HEMK1: variants seen among roughly 807,000 people sequenced by gnomAD.
HEMK1 encodes MTRF1L release factor glutamine methyltransferase.
Under a neutral mutation model 47.9 loss-of-function variants are expected in HEMK1, and 36 were observed. That is an observed-to-expected ratio of 0.75 (90% confidence interval 0.58 to 0.99). The LOEUF (loss-of-function observed/expected upper bound fraction) is 0.99. Ranked by LOEUF, HEMK1 falls within the 50% of genes least tolerant of loss-of-function variation. The probability of loss-of-function intolerance (pLI) is 0.00; values close to 1 mark genes in which losing one functional copy is unlikely to be tolerated. For missense variants in HEMK1, 383 were observed against 434.5 expected (o/e 0.88, Z 1.05); for synonymous variants, 153 against 165.4 (o/e 0.93, Z 0.57).
Position 50,589,976 on chromosome 3 carries a change from T to TAG in HEMK1, c.*9560_*9561dup, listed in dbSNP as rs1471228176. The TAG allele has an allele frequency of 6.6e-6, 1 of 150,484 alleles. No individual in the cohort carries two copies. The highest frequency in any genetic ancestry group is 1.5e-5 in the Non-Finnish European group (1 of 67,732). The allele number at this position is 150,484 out of a possible 1,614,324, so 9.3% of individuals were successfully genotyped here. A position where few individuals can be genotyped will look rare whatever the true frequency, so the allele number is the denominator to read the frequency against. ...TTTGGGAGGCCAAGGATCACAAGGT[T>TAG]AGGAGTTCAAGACCAGCCTGGCCAA... On this transcript the variant is annotated 3_prime_UTR_variant, in exon 11 of 11. Coordinates refer to ENST00000232854, the MANE Select transcript of HEMK1 (RefSeq NM_016173.5).
chr3:50,569,633 T>C (rs34584636), intron 1 of HEMK1, 59 bp downstream of exon 1: 15,363 of 152,284 alleles, frequency 0.1, 964 homozygotes, highest in Non-Finnish European at 0.13. Context: ...CCTGGAGACC[T>C]GGCCGGTACC....
At position 50,593,314 on chromosome 3, in the gene HEMK1, G is replaced by C. The variant is rs573435067; in HGVS notation, c.*12897G>C. On this transcript the variant is annotated 3_prime_UTR_variant, in exon 11 of 11. Coordinates refer to ENST00000232854, the MANE Select transcript of HEMK1 (RefSeq NM_016173.5). ...TTGCGTCCATCCCCTAGTGCAGAGG[G>C]CTAGTTTAGGGAAGGACATTAGGAC... The C allele has an allele frequency of 6.6e-6, 1 of 152,346 alleles. No homozygotes were observed. Among genetic ancestry groups the C allele is most frequent in the African/African-American group, 2.4e-5 (1 of 41,546 alleles). The allele number at this position is 152,346 out of a possible 1,614,324, so 9.4% of individuals were successfully genotyped here. A position where few individuals can be genotyped will look rare whatever the true frequency, so the allele number is the denominator to read the frequency against.
rs1175990565 is a variant in HEMK1 at position 50,579,836 on chromosome 3, C to T, written c.771-8C>T. 6.2e-7 allele frequency: 1 copy of T among 1,608,136 alleles called. No homozygotes were observed. Among genetic ancestry groups the T allele is most frequent in the Non-Finnish European group, 8.5e-7 (1 of 1,175,422 alleles). The stretch of plus-strand genomic sequence containing the variant: ...CAGGCTGTCACCTCCCACTGCTTTG[C>T]CTTTCAGCTATGAAGACCCCGCGGC... On this transcript the variant is annotated splice_polypyrimidine_tract_variant and splice_region_variant and intron_variant, in intron 8 of 10. Coordinates refer to ENST00000232854, the MANE Select transcript of HEMK1 (RefSeq NM_016173.5).
rs1255901533 is a variant in HEMK1, at chr3:50,586,450, A to G, written c.*6033A>G. 1 of 152,312 alleles carries G rather than the reference A, an allele frequency of 6.6e-6. No homozygotes were observed. The highest frequency in any genetic ancestry group is 1.5e-5 in the Non-Finnish European group (1 of 68,094). 9.4% of individuals were successfully genotyped at this position (152,312 alleles called of 1,614,324 possible). ...GGGGGAGGGTGAGACAGCTTAGAGTAGCCATGCCCCGTGGCAGGCAGGCCT... is the reference window on the plus strand; with the variant it reads ...GGGGGAGGGTGAGACAGCTTAGAGTGGCCATGCCCCGTGGCAGGCAGGCCT... On this transcript the variant is annotated 3_prime_UTR_variant, in exon 11 of 11. Transcript: ENST00000232854.
rs1198966464 is a variant in HEMK1 at position 50,584,425 on chromosome 3, A to T, written c.*4008A>T. 9 of 152,238 alleles carry T rather than the reference A, an allele frequency of 5.9e-5. No homozygotes were observed. The highest frequency in any genetic ancestry group is 1.2e-4 in the Non-Finnish European group (8 of 68,056). The allele number at this position is 152,238 out of a possible 1,614,324, so 9.4% of individuals were successfully genotyped here. On this transcript the variant is annotated 3_prime_UTR_variant, in exon 11 of 11. Transcript: ENST00000232854. ...ATATTACCTTCACATAGCAAAATGG[A>T]CTTTGCAGATGTGATTAAGGATCTT...
intron 2 of HEMK1, 43 bp downstream of exon 2, chr3:50,571,375 G>A (rs754385591): frequency 2.8e-6 from 4 of 1,424,838 alleles, no homozygotes. Context: ...AGGGAGGAGG[G>A]AGGACTTGGG....
chr3:50,572,008 A>G, intron 3 of HEMK1, 107 bp from the exon 4 acceptor site: 1 of 1,546,164 alleles, frequency 6.5e-7, no homozygotes, highest in Non-Finnish European at 8.8e-7. Context: ...GGCCCTGGAG[A>G]CATGGTCTTG....
In HEMK1 at chr3:50,589,354, G is replaced by A. The variant is rs1007359719; in HGVS notation, c.*8937G>A. Reference sequence around the variant, plus strand: ...CAAACCCTGTTCTCTGAGCACATAGGAAGGATTCTAATGTGTCATAATTTG... The same window carrying A: ...CAAACCCTGTTCTCTGAGCACATAGAAAGGATTCTAATGTGTCATAATTTG... On this transcript the variant is annotated 3_prime_UTR_variant, in exon 11 of 11. Coordinates refer to ENST00000232854, the MANE Select transcript of HEMK1 (RefSeq NM_016173.5). 5 of 152,094 alleles carry A rather than the reference G, an allele frequency of 3.3e-5. No individual in the cohort carries two copies. Among genetic ancestry groups the A allele is most frequent in the African/African-American group, 4.8e-5 (2 of 41,418 alleles). The allele number at this position is 152,094 out of a possible 1,614,324, so 9.4% of individuals were successfully genotyped here.
At position 50,594,596 on chromosome 3, in the gene HEMK1, G is replaced by T. The variant is rs1283452199; in HGVS notation, c.*14179G>T. 6.6e-6 allele frequency: 1 copy of T among 152,326 alleles called. No homozygotes were observed. Among genetic ancestry groups the T allele is most frequent in the African/African-American group, 2.4e-5 (1 of 41,452 alleles). The allele number at this position is 152,326 out of a possible 1,614,324, so 9.4% of individuals were successfully genotyped here. A position where few individuals can be genotyped will look rare whatever the true frequency, so the allele number is the denominator to read the frequency against. ...CAGAGTAGTTGCAATGGTGAGCTGAGGTTTTCTCTGCTGCAGAGGCCAGGT... is the reference window on the plus strand; with the variant it reads ...CAGAGTAGTTGCAATGGTGAGCTGATGTTTTCTCTGCTGCAGAGGCCAGGT... On this transcript the variant is annotated 3_prime_UTR_variant, in exon 11 of 11. Coordinates refer to ENST00000232854, the MANE Select transcript of HEMK1 (RefSeq NM_016173.5).
intron 4 of HEMK1, among the ~76,000 whole-genome samples, chr3:50,575,815 C>T (rs954895662): frequency 1.3e-5 from 2 of 152,190 alleles, no homozygotes; most frequent in African/African-American, 4.8e-5. Flanking sequence ...CTGCCCTTTC[C>T]TTGTCTCATG....
intron 4 of HEMK1, among the ~76,000 whole-genome samples, chr3:50,576,619 A>G (rs931122615): frequency 6.6e-6 from 1 of 152,194 alleles, no homozygotes; most frequent in Non-Finnish European, 1.5e-5. Flanking sequence ...CATGTTGGCC[A>G]GGCTGGTCTC....
At position 50,582,841 on chromosome 3, in the gene HEMK1, C is replaced by T. The variant is rs2030977812; in HGVS notation, c.*2424C>T. ...TACATCTCCCCTCAGCCTCTCCTCA[C>T]TATGGCCCCAGTGCCTTGAGGCCCA... On this transcript the variant is annotated 3_prime_UTR_variant, in exon 11 of 11. Transcript: ENST00000232854. The T allele has an allele frequency of 6.6e-6, 1 of 152,380 alleles. No individual in the cohort carries two copies. The highest frequency in any genetic ancestry group is 1.5e-5 in the Non-Finnish European group (1 of 68,144). 9.4% of individuals were successfully genotyped at this position (152,380 alleles called of 1,614,324 possible).
At chr3:50,579,777 C>T in intron 8 of HEMK1, 67 bp from the exon 9 acceptor site, 1 of 1,158,458 alleles carries the variant, frequency 8.6e-7, no homozygotes, top group African/African-American at 1.5e-5. Flanking sequence ...GAGGCCTTGC[C>T]CATGCCCTCC....
intron 4 of HEMK1, among the ~76,000 whole-genome samples, chr3:50,576,685 A>G (rs1379323030): frequency 6.6e-6 from 1 of 152,244 alleles, no homozygotes; most frequent in Non-Finnish European, 1.5e-5. Flanking sequence ...TTGGGATTAC[A>G]GGCATGAGCC....
Position 50,572,142 on chromosome 3 carries a change from G to T in HEMK1, c.348G>T (p.Glu116Asp). ...TGCCGGTGCAGTACATCCTTGGAGA[G>T]TGGGACTTCCAGGGGCTCAGCCTAA... is the stretch of plus-strand genomic sequence containing the variant. ...QRMPVQYILG[E>D]WDFQGLSLRM... The change falls in exon 4 of 11, where the codon GAG (glutamate) becomes GAT (aspartate). Residue 116 changes from glutamate (E) to aspartate (D), a missense_variant. By Grantham distance (45) the Glu-to-Asp change is conservative (BLOSUM62 2). Coordinates refer to ENST00000232854, the MANE Select transcript of HEMK1 (RefSeq NM_016173.5). 1 of 1,614,002 alleles carries T rather than the reference G, an allele frequency of 6.2e-7. No homozygotes were observed. Among genetic ancestry groups the T allele is most frequent in the Non-Finnish European group, 8.5e-7 (1 of 1,179,972 alleles).
chr3:50,569,281 C>T (rs987574795), upstream of HEMK1: 4 of 152,406 alleles, frequency 2.6e-5, no homozygotes, highest in Admixed American at 2.6e-4. Context: ...CAGGTCCGGG[C>T]CCCCAAGGGT....
rs1447051503 is a variant in HEMK1, at chr3:50,569,573, A to G, written c.-176A>G. The G allele has an allele frequency of 6.6e-6, 1 of 152,274 alleles. No homozygotes were observed. The highest frequency in any genetic ancestry group is 1.5e-5 in the Non-Finnish European group (1 of 68,056). 9.4% of individuals were successfully genotyped at this position (152,274 alleles called of 1,614,324 possible). A position where few individuals can be genotyped will look rare whatever the true frequency, so the allele number is the denominator to read the frequency against. ...GGGTGGGTGGGGCAGCCTTTCAGGC[A>G]GGTATGCATGGGAGGTGGGGATCGG... On this transcript the variant is annotated splice_region_variant and 5_prime_UTR_variant, in exon 1 of 11. Coordinates refer to ENST00000232854, the MANE Select transcript of HEMK1 (RefSeq NM_016173.5).
intron 1 of HEMK1, chr3:50,569,846 T>C (rs542724691): frequency 2.0e-5 from 3 of 152,194 alleles, no homozygotes; most frequent in East Asian, 3.9e-4. Flanking sequence ...TTTTTTTTCT[T>C]TTTTTTGAGA....
rs1443720569 is a variant in HEMK1, at chr3:50,592,508, C to G, written c.*12091C>G. 6.6e-6 allele frequency: 1 copy of G among 152,264 alleles called. No individual in the cohort carries two copies. The highest frequency in any genetic ancestry group is 2.4e-5 in the African/African-American group (1 of 41,452). The allele number at this position is 152,264 out of a possible 1,614,324, so 9.4% of individuals were successfully genotyped here. On this transcript the variant is annotated 3_prime_UTR_variant, in exon 11 of 11. Transcript: ENST00000232854. Reference sequence around the variant, plus strand: ...TCAAATGCTTCTACTTTCTCTGACCCTCTGGAACTTTCCCCTGTTGCCAGC... The same window carrying G: ...TCAAATGCTTCTACTTTCTCTGACCGTCTGGAACTTTCCCCTGTTGCCAGC...
Sources: gnomAD v4.1 joint callset for allele counts (sites outside exome capture counted in the v4.1 genomes callset) on GRCh38, gnomAD v4.1.1 for gene constraint, MANE v1.5 for transcripts, NCBI Gene and HGNC (gene_info 2026-07-23, HGNC 2026-07-21) for gene names.